Variants in MAP2K4 observed in about 807,000 individuals in gnomAD.
The protein encoded by MAP2K4 is mitogen-activated protein kinase kinase 4.
Under a neutral mutation model 48.5 loss-of-function variants are expected in MAP2K4, and 4 were observed. The observed-to-expected ratio is 0.08, with a 90% confidence interval of 0.04 to 0.19. MAP2K4 has a LOEUF of 0.19. Ranked by LOEUF, MAP2K4 falls within the 10% of genes least tolerant of loss-of-function variation. The pLI, the probability that MAP2K4 is intolerant of heterozygous loss-of-function variation, is 1.00. For missense variants in MAP2K4, 258 were observed against 493.3 expected, an observed-to-expected ratio of 0.52 and a Z score of 4.52; for synonymous variants, 166 against 173.1, an observed-to-expected ratio of 0.96 and a Z score of 0.32.
intron 3 of MAP2K4, 88 bp from the exon 4 acceptor site, chr17:12,095,487 G>C: frequency 1.4e-6 from 2 of 1,446,188 alleles, no homozygotes; most frequent in Non-Finnish European, 1.9e-6. Flanking sequence ...GTCTCGTAAC[G>C]GTTTTTCTCT....
At chr17:12,054,593 A>G (rs1209236027) in intron 1 of MAP2K4, among the ~76,000 whole-genome samples, 1 of 152,138 alleles carries the variant, frequency 6.6e-6, no homozygotes, top group African/African-American at 2.4e-5. Flanking sequence ...ATTGATTTTT[A>G]TAATAGTATT....
intron 4 of MAP2K4, among the ~76,000 whole-genome samples, chr17:12,104,323 T>C (rs1972037508): frequency 6.6e-6 from 1 of 152,118 alleles, no homozygotes; most frequent in Admixed American, 6.5e-5. Flanking sequence ...TGGCTGCCTT[T>C]CTATACTTTA....
intron 2 of MAP2K4, among the ~76,000 whole-genome samples, chr17:12,074,014 C>T (rs758358812): frequency 2.0e-4 from 31 of 152,114 alleles, no homozygotes; most frequent in Non-Finnish European, 4.4e-4. Context: ...CCTCGTGATT[C>T]GCCCACCTCG....
chr17:12,129,780 A>G (rs1053851193), intron 9 of MAP2K4, among the ~76,000 whole-genome samples: 3 of 152,202 alleles, frequency 2.0e-5, no homozygotes, highest in African/African-American at 7.2e-5. Context: ...GTAGAACTGT[A>G]TATCTTTGCT....
chr17:12,065,628 G>A (rs1970591049), intron 2 of MAP2K4, among the ~76,000 whole-genome samples: 1 of 151,998 alleles, frequency 6.6e-6, no homozygotes, highest in Non-Finnish European at 1.5e-5. Context: ...TAGAGATGGG[G>A]TTTCGCCATG....
intron 4 of MAP2K4, among the ~76,000 whole-genome samples, chr17:12,098,000 C>T (rs1399623863): frequency 6.6e-6 from 1 of 152,062 alleles, no homozygotes; most frequent in South Asian, 2.1e-4. Context: ...TAGGTACTTT[C>T]TGAATAATAA....
intron 2 of MAP2K4, among the ~76,000 whole-genome samples, 171 bp downstream of exon 2, chr17:12,055,162 TA>T: frequency 6.6e-6 from 1 of 152,244 alleles, no homozygotes; most frequent in African/African-American, 2.4e-5. Flanking sequence ...AAGTTGCATT[TA>T]GGAAATTTGA....
chr17:12,040,322 A>G (rs897839710), intron 1 of MAP2K4, among the ~76,000 whole-genome samples: 1 of 152,216 alleles, frequency 6.6e-6, no homozygotes, highest in Non-Finnish European at 1.5e-5. Context: ...ATTATAGTTA[A>G]GCCTTGGTCA....
At chr17:12,032,323 A>T in intron 1 of MAP2K4, 4 of 1,262,248 alleles carry the variant, frequency 3.2e-6, no homozygotes, top group Non-Finnish European at 4.2e-6. Context: ...TTATGATATT[A>T]TGCTATTTAT....
chr17:12,060,981 T>C (rs1970433783), intron 2 of MAP2K4, among the ~76,000 whole-genome samples: 1 of 152,080 alleles, frequency 6.6e-6, no homozygotes, highest in Admixed American at 6.6e-5. Flanking sequence ...TATTCTCCCT[T>C]CCTTCTAGCC....
At position 12,142,087 on chromosome 17, in the gene MAP2K4, A is replaced by T. The variant is rs1373923998; in HGVS notation, c.*827A>T. 1 of 233,394 alleles carries T rather than the reference A, an allele frequency of 4.3e-6. No homozygotes were observed. Among genetic ancestry groups the T allele is most frequent in the Admixed American group, 5.6e-5 (1 of 17,782 alleles). 14.5% of individuals were successfully genotyped at this position (233,394 alleles called of 1,614,324 possible). On this transcript the variant is annotated 3_prime_UTR_variant, in exon 11 of 11. Transcript: ENST00000353533. The stretch of plus-strand genomic sequence containing the variant: ...CTGCCAACTTGATGTTCCACCTGCC[A>T]CAAACCACCAGGACTGAAAGAAGAA...
Position 12,025,324 on chromosome 17 carries a change from T to C in MAP2K4, c.115+4323T>C, listed in dbSNP as rs181749119. On this transcript the variant is annotated intron_variant, in intron 1 of 10. Transcript: ENST00000353533. ...TAGGGCCATTGTAAGAATCACATTCTTAATGCATGTGAAAGTGCTTTGAAA... is the reference window on the plus strand; with the variant it reads ...TAGGGCCATTGTAAGAATCACATTCCTAATGCATGTGAAAGTGCTTTGAAA... Among the ~76,000 whole-genome samples the C allele has an allele frequency of 1.8e-3, 273 of 152,326 alleles. 3 individuals are homozygous for C. The highest frequency in any genetic ancestry group is 6.8e-3 in the Middle Eastern group (2 of 294).
At chr17:12,059,676 G>T (rs1383226483) in intron 2 of MAP2K4, among the ~76,000 whole-genome samples, 2 of 152,128 alleles carry the variant, frequency 1.3e-5, no homozygotes, top group Admixed American at 1.3e-4. Context: ...CCTTATCTTT[G>T]TTTATTACAT....
At position 12,129,304 on chromosome 17, in the gene MAP2K4, T is replaced by A; in HGVS notation, c.1040+17T>A. ...CAACTTGTGGTGAGTACCTGATTTA[T>A]GAATGGTCGAACACGCATGGCGAGA... is the stretch of plus-strand genomic sequence containing the variant. On this transcript the variant is annotated intron_variant, in intron 9 of 10. Coordinates refer to ENST00000353533, the MANE Select transcript of MAP2K4 (RefSeq NM_003010.4). The A allele has an allele frequency of 6.2e-7, 1 of 1,614,204 alleles. No individual in the cohort carries two copies.
intron 2 of MAP2K4, among the ~76,000 whole-genome samples, chr17:12,071,903 T>C (rs967052377): frequency 2.6e-5 from 4 of 152,202 alleles, no homozygotes; most frequent in Admixed American, 6.5e-5. Flanking sequence ...TGGGCATATT[T>C]GTAAACCATA....
At chr17:12,123,121 C>T (rs2151585710) in intron 7 of MAP2K4, among the ~76,000 whole-genome samples, 1 of 152,040 alleles carries the variant, frequency 6.6e-6, no homozygotes, top group South Asian at 2.1e-4. Flanking sequence ...TTATGCTGGC[C>T]TCATGAAATG....
rs771941432 is a variant in MAP2K4, at chr17:12,137,904, T to G, written c.1041-1935T>G. Among the ~76,000 whole-genome samples the G allele has an allele frequency of 2.6e-5, 4 of 152,136 alleles. No homozygotes were observed. In the East Asian group the frequency reaches 7.7e-4, roughly 29 times the overall value. ...GGTATAAATTTACCTTTTAAATTTA[T>G]ATTTAAATTTACCTTTAAATTTATA... is the stretch of plus-strand genomic sequence containing the variant. On this transcript the variant is annotated intron_variant, in intron 9 of 10. Coordinates refer to ENST00000353533, the MANE Select transcript of MAP2K4 (RefSeq NM_003010.4).
chr17:12,079,027 A>C (rs1006095578), intron 2 of MAP2K4, among the ~76,000 whole-genome samples: 13 of 152,218 alleles, frequency 8.5e-5, no homozygotes, highest in African/African-American at 3.1e-4. Context: ...TCTAAATGAG[A>C]AACTTGGAAC....
At chr17:12,084,867 A>G (rs541714670) in intron 3 of MAP2K4, among the ~76,000 whole-genome samples, 1 of 152,314 alleles carries the variant, frequency 6.6e-6, no homozygotes, top group South Asian at 2.1e-4. Flanking sequence ...TCTGGGAGAA[A>G]CACCTAGCAT....
Sources: gnomAD v4.1 joint callset for allele counts (sites outside exome capture counted in the v4.1 genomes callset) on GRCh38, gnomAD v4.1.1 for gene constraint, MANE v1.5 for transcripts, NCBI Gene and HGNC (gene_info 2026-07-23, HGNC 2026-07-21) for gene names.